Variants in AMOTL1 observed in about 807,000 individuals in gnomAD.
AMOTL1 encodes the protein angiomotin-like protein 1.
A neutral mutation model predicts 102.9 loss-of-function variants in AMOTL1; 45 were observed. That is an observed-to-expected ratio of 0.44 (90% CI 0.34 to 0.56). The LOEUF is 0.56. Ranked by LOEUF, AMOTL1 falls within the 20% of genes least tolerant of loss-of-function variation. The pLI is 0.01. For missense variants in AMOTL1, 1,114 were observed against 1,225.6 expected, an observed-to-expected ratio of 0.91 and a Z score of 1.36; for synonymous variants, 481 against 484.7, an observed-to-expected ratio of 0.99 and a Z score of 0.10.
At chr11:94,796,711 A>G (rs1468885793) in intron 2 of AMOTL1, among the ~76,000 whole-genome samples, 3 of 152,184 alleles carry the variant, frequency 2.0e-5, no homozygotes, top group Non-Finnish European at 4.4e-5. Flanking sequence ...GGGGGCCATC[A>G]CGGAGTTACA....
intron 2 of AMOTL1, among the ~76,000 whole-genome samples, chr11:94,733,265 T>C: frequency 6.6e-6 from 1 of 152,232 alleles, no homozygotes; most frequent in Non-Finnish European, 1.5e-5. Flanking sequence ...TTTTTGTCTA[T>C]TTTTCTTGCG....
intron 3 of AMOTL1, 62 bp downstream of exon 3, chr11:94,800,373 A>T: frequency 1.4e-6 from 2 of 1,475,844 alleles, no homozygotes; most frequent in Non-Finnish European, 1.8e-6. Context: ...TGTTATTAGC[A>T]TTTATTATTT....
chr11:94,773,437 C>T (rs1950981899), intron 1 of AMOTL1, among the ~76,000 whole-genome samples: 1 of 152,146 alleles, frequency 6.6e-6, no homozygotes, highest in South Asian at 2.1e-4. Context: ...TCTATTAGGT[C>T]TCGAATATGC....
intron 6 of AMOTL1, among the ~76,000 whole-genome samples, chr11:94,841,475 A>G (rs1046792637): frequency 2.0e-5 from 3 of 152,180 alleles, no homozygotes; most frequent in Non-Finnish European, 4.4e-5. Context: ...AAGAAAAAAG[A>G]AGGCAAAAAA....
chr11:94,843,798 T>C (rs1952352356), intron 6 of AMOTL1, among the ~76,000 whole-genome samples: 1 of 152,176 alleles, frequency 6.6e-6, no homozygotes, highest in Admixed American at 6.5e-5. Context: ...ATTGATGCCA[T>C]TGGTGTTGAT....
In AMOTL1 at chr11:94,723,159, T is replaced by C. The variant is rs138631353; in HGVS notation, c.-50-5762T>C. ...AACAAGAATTACCTGAGCCTGAGTATGGCCATGCACCGTGCTAACAGTGGG... is the reference window on the plus strand; with the variant it reads ...AACAAGAATTACCTGAGCCTGAGTACGGCCATGCACCGTGCTAACAGTGGG... On this transcript the variant is annotated intron_variant, in intron 1 of 4. Transcript: ENST00000299004. Among the ~76,000 whole-genome samples the C allele has an allele frequency of 1.9e-3, 294 of 152,242 alleles. 1 individual carries two copies. The highest frequency in any genetic ancestry group is 5.9e-3 in the African/African-American group (247 of 41,564).
At chr11:94,832,086 G>A (rs1222140080) in intron 6 of AMOTL1, among the ~76,000 whole-genome samples, 1 of 152,144 alleles carries the variant, frequency 6.6e-6, no homozygotes, top group Non-Finnish European at 1.5e-5. Flanking sequence ...TGATTTATTG[G>A]GAGAATATTT....
chr11:94,830,676 G>A (rs1198304192), intron 5 of AMOTL1, among the ~76,000 whole-genome samples: 1 of 152,234 alleles, frequency 6.6e-6, no homozygotes, highest in African/African-American at 2.4e-5. Context: ...CCACAGTTGT[G>A]AAATAAGTAG....
chr11:94,802,749 G>GT (rs1951500115), intron 3 of AMOTL1, among the ~76,000 whole-genome samples: 1 of 152,238 alleles, frequency 6.6e-6, no homozygotes, highest in Admixed American at 6.5e-5. Context: ...CATGGCTCCA[G>GT]TGGTGCAGCC....
intron 6 of AMOTL1, among the ~76,000 whole-genome samples, chr11:94,832,944 C>T (rs1461326535): frequency 6.6e-6 from 1 of 152,238 alleles, no homozygotes; most frequent in Non-Finnish European, 1.5e-5. Flanking sequence ...ATTGTTCTGG[C>T]CTCCCAGCCA....
At chr11:94,826,727 C>T (rs1192871447) in intron 4 of AMOTL1, among the ~76,000 whole-genome samples, 1 of 152,204 alleles carries the variant, frequency 6.6e-6, no homozygotes. Flanking sequence ...CACTAGGCCC[C>T]ACCTCCCAAT....
chr11:94,746,561 C>T (rs1049083920), intron 3 of AMOTL1, among the ~76,000 whole-genome samples: 7 of 152,174 alleles, frequency 4.6e-5, no homozygotes, highest in Non-Finnish European at 7.4e-5. Flanking sequence ...TGCCCCTCTT[C>T]CCCCTTCTCC....
chr11:94,838,555 G>T (rs1952229627), intron 6 of AMOTL1, among the ~76,000 whole-genome samples: 1 of 152,148 alleles, frequency 6.6e-6, no homozygotes, highest in South Asian at 2.1e-4. Flanking sequence ...ACCAAAACAG[G>T]CTGTGGGCTG....
chr11:94,874,118 C>T lies in AMOTL1; in HGVS notation c.*3323C>T, dbSNP rs1953054700. On this transcript the variant is annotated 3_prime_UTR_variant, in exon 13 of 13. Transcript: ENST00000433060. Reference sequence around the variant, plus strand: ...TTGTCTGGCAGTTTCTGTGTGCTGCCAGGATATTATATGGAACTGGAGAAG... The same window carrying T: ...TTGTCTGGCAGTTTCTGTGTGCTGCTAGGATATTATATGGAACTGGAGAAG... 1 of 152,172 alleles carries T rather than the reference C, an allele frequency of 6.6e-6. No homozygotes were observed. Among genetic ancestry groups the T allele is most frequent in the Non-Finnish European group, 1.5e-5 (1 of 68,030 alleles). The allele number at this position is 152,172 out of a possible 1,614,324, so 9.4% of individuals were successfully genotyped here. A position where few individuals can be genotyped will look rare whatever the true frequency, so the allele number is the denominator to read the frequency against.
intron 6 of AMOTL1, among the ~76,000 whole-genome samples, chr11:94,841,225 G>A (rs550281983): frequency 1.3e-5 from 2 of 152,318 alleles, no homozygotes. Flanking sequence ...CTGATTACCT[G>A]AGGTCAGGAG....
intron 3 of AMOTL1, among the ~76,000 whole-genome samples, chr11:94,815,847 A>G (rs561757732): frequency 6.6e-6 from 1 of 152,266 alleles, no homozygotes; most frequent in Admixed American, 6.5e-5. Flanking sequence ...ACTGGTTAAG[A>G]AAGAGGGATA....
intron 9 of AMOTL1, among the ~76,000 whole-genome samples, chr11:94,861,555 C>T (rs1395074533): frequency 2.0e-5 from 3 of 152,166 alleles, no homozygotes; most frequent in Non-Finnish European, 4.4e-5. Flanking sequence ...AGGACACCTG[C>T]GCTCAGGGCT....
In AMOTL1 at chr11:94,776,606, C is replaced by T. The variant is rs78818777; in HGVS notation, c.49+8046C>T. Reference sequence around the variant, plus strand: ...TCTTTGTGAGGTAGGGCTCTGCACACGCCCTGTGGCCACGTGCCAGGGAGG... The same window carrying T: ...TCTTTGTGAGGTAGGGCTCTGCACATGCCCTGTGGCCACGTGCCAGGGAGG... On this transcript the variant is annotated intron_variant, in intron 1 of 12. Transcript: ENST00000433060. Among the ~76,000 whole-genome samples the T allele has an allele frequency of 3.0e-3, 451 of 152,304 alleles. 2 individuals are homozygous for T. The highest frequency in any genetic ancestry group is 0.01 in the African/African-American group (424 of 41,568).
chr11:94,821,987 G>A (rs529870875), intron 4 of AMOTL1, among the ~76,000 whole-genome samples, 166 bp downstream of exon 4: 2 of 152,268 alleles, frequency 1.3e-5, no homozygotes, highest in South Asian at 4.1e-4. Context: ...TCCTGCCTTG[G>A]AGGAGCTTAC....
Sources: allele counts gnomAD v4.1 joint callset (sites outside exome capture counted in the v4.1 genomes callset), GRCh38; gene constraint gnomAD v4.1.1; transcripts MANE v1.5; gene names NCBI Gene and HGNC (gene_info 2026-07-23, HGNC 2026-07-21).